ATXN1: variants seen among roughly 807,000 people sequenced by gnomAD.
ATXN1 encodes the protein ataxin 1, also known as ataxin-1.
Under a neutral mutation model 56.4 loss-of-function variants are expected in ATXN1, and 8 were observed. The observed-to-expected ratio is 0.14, with a 90% CI of 0.08 to 0.26. ATXN1 has a LOEUF of 0.26. Ranked by LOEUF, ATXN1 falls within the 10% of genes least tolerant of loss-of-function variation. The pLI, the probability that ATXN1 is intolerant of heterozygous loss-of-function variation, is 1.00. For missense variants in ATXN1, 987 were observed against 1,106.5 expected, an observed-to-expected ratio of 0.89 and a Z score of 1.53; for synonymous variants, 514 against 494.6, an observed-to-expected ratio of 1.04 and a Z score of -0.52.
At chr6:16,639,247 A>G (rs1489741971) in intron 3 of ATXN1, among the ~76,000 whole-genome samples, 2 of 152,156 alleles carry the variant, frequency 1.3e-5, no homozygotes, top group African/African-American at 4.8e-5. Flanking sequence ...CGCTCCTCAC[A>G]ATAAATCTTG....
chr6:16,635,137 G>A (rs1213542928), intron 3 of ATXN1, among the ~76,000 whole-genome samples: 4 of 152,166 alleles, frequency 2.6e-5, no homozygotes, highest in Middle Eastern at 3.4e-3. Flanking sequence ...TCATAGGAGC[G>A]TGAACCCTAT....
Position 16,606,867 on chromosome 6 carries a change from T to TTGTGTGTGTGTGTGTGTG in ATXN1, c.-488-20978_-488-20961dup, listed in dbSNP as rs759331296. Among the ~76,000 whole-genome samples the TTGTGTGTGTGTGTGTGTG allele has an allele frequency of 2.1e-3, 268 of 126,800 alleles. 3 individuals carry two copies. The highest frequency in any genetic ancestry group is 6.1e-3 in the African/African-American group (211 of 34,624). 83.2% of individuals were successfully genotyped at this position (126,800 alleles called of 152,430 possible). On this transcript the variant is annotated intron_variant, in intron 3 of 7. Coordinates refer to ENST00000436367, the MANE Select transcript of ATXN1 (RefSeq NM_001128164.2). ...GGGGGAAAGTATACAGTTCCATGAG[T>TTGTGTGTGTGTGTGTGTG]TGTGTGTGTGTGTGTGTGTGTTGTT...
intron 6 of ATXN1, among the ~76,000 whole-genome samples, chr6:16,422,754 C>CA (rs1455117345): frequency 6.6e-6 from 1 of 152,150 alleles, no homozygotes; most frequent in East Asian, 1.9e-4. Context: ...GAAAACGCTA[C>CA]AAAAAATGGA....
chr6:16,495,741 T>C (rs1760767919), intron 5 of ATXN1, among the ~76,000 whole-genome samples: 1 of 151,982 alleles, frequency 6.6e-6, no homozygotes, highest in Non-Finnish European at 1.5e-5. Context: ...CAGGCGCCTG[T>C]AGTCCCAGCT....
chr6:16,708,952 G>A (rs1467230862), intron 2 of ATXN1, among the ~76,000 whole-genome samples: 1 of 151,688 alleles, frequency 6.6e-6, no homozygotes, highest in Non-Finnish European at 1.5e-5. Context: ...CTTGAACCCA[G>A]GGAACAGAGT....
chr6:16,408,736 T>C (rs1758737446), intron 6 of ATXN1, among the ~76,000 whole-genome samples: 2 of 152,226 alleles, frequency 1.3e-5, no homozygotes, highest in Non-Finnish European at 2.9e-5. Flanking sequence ...GTGTGTTTAA[T>C]TCCAATTTTA....
At chr6:16,402,105 T>C (rs372177455) in intron 6 of ATXN1, among the ~76,000 whole-genome samples, 1 of 152,042 alleles carries the variant, frequency 6.6e-6, no homozygotes, top group Non-Finnish European at 1.5e-5. Flanking sequence ...CTGCCCCCCA[T>C]GATTCAATAC....
intron 3 of ATXN1, among the ~76,000 whole-genome samples, chr6:16,629,433 T>A (rs554961431): frequency 6.6e-6 from 1 of 152,120 alleles, no homozygotes; most frequent in African/African-American, 2.4e-5. Flanking sequence ...GTTCAAGCAA[T>A]TCTCCTGCCT....
chr6:16,682,877 C>T (rs554304739), intron 2 of ATXN1, among the ~76,000 whole-genome samples: 5 of 152,254 alleles, frequency 3.3e-5, no homozygotes, highest in South Asian at 2.1e-4. Flanking sequence ...CTCACTTTCC[C>T]GCTTCTATTC....
chr6:16,706,956 C>A (rs1759422732), intron 2 of ATXN1, among the ~76,000 whole-genome samples: 1 of 152,158 alleles, frequency 6.6e-6, no homozygotes, highest in African/African-American at 2.4e-5. Flanking sequence ...GAATCTCTAT[C>A]ATCTCTTTTC....
chr6:16,471,191 AAC>A lies in ATXN1; in HGVS notation c.-161+14779_-161+14780del, dbSNP rs5874560. 1.1e-3 allele frequency among the ~76,000 whole-genome samples: 160 copies of A among 147,798 alleles called. 1 individual carries two copies. Among genetic ancestry groups the A allele is most frequent in the South Asian group, 6.3e-3 (29 of 4,602 alleles). On this transcript the variant is annotated intron_variant, in intron 6 of 7. Transcript: ENST00000436367. ...TATCTGAAAGACTTCTGGCAATTAA[AAC>A]ACACACACACACACACACACACACA...
At chr6:16,712,924 C>T (rs912989453) in intron 2 of ATXN1, among the ~76,000 whole-genome samples, 11 of 152,094 alleles carry the variant, frequency 7.2e-5, no homozygotes, top group African/African-American at 1.9e-4. Context: ...CAAATGGCTA[C>T]GAGGGAGTAT....
chr6:16,333,771 G>A (rs1353681141), intron 6 of ATXN1, among the ~76,000 whole-genome samples: 1 of 152,194 alleles, frequency 6.6e-6, no homozygotes, highest in Non-Finnish European at 1.5e-5. Flanking sequence ...GGCATGTCAA[G>A]GATTCTCAAA....
At chr6:16,620,262 A>AACACACACACACAC (rs60586256) in intron 3 of ATXN1, among the ~76,000 whole-genome samples, 1 of 137,410 alleles carries the variant, frequency 7.3e-6, no homozygotes, top group African/African-American at 2.7e-5. Flanking sequence ...CTGTCTCTCA[A>AACACACACACACAC]ACACACACAC....
chr6:16,576,613 C>T (rs891921288), intron 4 of ATXN1, among the ~76,000 whole-genome samples: 1 of 152,094 alleles, frequency 6.6e-6, no homozygotes, highest in Non-Finnish European at 1.5e-5. Flanking sequence ...TAAATACTGC[C>T]GAAAGGAATT....
At chr6:16,552,167 G>A (rs541792064) in intron 4 of ATXN1, among the ~76,000 whole-genome samples, 16 of 152,274 alleles carry the variant, frequency 1.1e-4, no homozygotes, top group Admixed American at 2.0e-4. Flanking sequence ...TGGAGAGGCT[G>A]GCTCTAGAAA....
chr6:16,419,365 C>T (rs893782428), intron 6 of ATXN1, among the ~76,000 whole-genome samples: 2 of 152,000 alleles, frequency 1.3e-5, no homozygotes, highest in Non-Finnish European at 2.9e-5. Context: ...ATAGCCAATC[C>T]TATTCTTATG....
chr6:16,551,774 T>C (rs778646358), intron 4 of ATXN1, among the ~76,000 whole-genome samples: 2 of 152,190 alleles, frequency 1.3e-5, no homozygotes, highest in Non-Finnish European at 1.5e-5. Flanking sequence ...TATCCTGCTG[T>C]GGCGCTTCCA....
chr6:16,711,541 T>C (rs906148341), intron 2 of ATXN1, among the ~76,000 whole-genome samples: 1 of 151,370 alleles, frequency 6.6e-6, no homozygotes, highest in African/African-American at 2.4e-5. Context: ...TATATACACA[T>C]ATATATACAC....
Sources: gnomAD v4.1 joint callset for allele counts (sites outside exome capture counted in the v4.1 genomes callset) on GRCh38, gnomAD v4.1.1 for gene constraint, MANE v1.5 for transcripts, NCBI Gene and HGNC (gene_info 2026-07-23, HGNC 2026-07-21) for gene names.